FOSL1: variants seen among roughly 807,000 people sequenced by gnomAD.
The protein encoded by FOSL1 is FOS like 1, AP-1 transcription factor subunit, also known as fos-related antigen 1.
A neutral mutation model predicts 24.9 loss-of-function variants in FOSL1; 14 were observed. The observed-to-expected ratio is 0.56, with a 90% CI of 0.37 to 0.88. The LOEUF is 0.88. FOSL1 is among the 40% of genes least tolerant of loss of function. The pLI is 0.00. For synonymous variants in FOSL1, 133 were observed against 145.1 expected, an observed-to-expected ratio of 0.92 and a Z score of 0.60; for missense variants, 318 against 359.8, an observed-to-expected ratio of 0.88 and a Z score of 0.94.
intron 1 of FOSL1, among the ~76,000 whole-genome samples, chr11:65,899,915 C>T (rs1316728630): frequency 6.6e-6 from 1 of 152,210 alleles, no homozygotes; most frequent in African/African-American, 2.4e-5. Context: ...GGCGACCACC[C>T]TAGGCGCCCA....
Position 65,896,868 on chromosome 11 carries a change from G to A in FOSL1, c.238C>T (p.Pro80Ser). The change falls in exon 2 of 4, where the codon CCA becomes TCA. Residue 80 changes from proline (P) to serine (S), a missense_variant. Transcript: ENST00000312562. ...GGCCCCAGGGCCCGGATGACTCCTG[G>A]CCGGGGTTGTGGGGGGCTGTACTGA... Reference protein sequence around the residue: ...YPQYSPPQPRPGVIRALGPPP... With the variant: ...YPQYSPPQPRSGVIRALGPPP... 1.2e-6 allele frequency: 2 copies of A among 1,613,898 alleles called. No individual in the cohort carries two copies. Among genetic ancestry groups the A allele is most frequent in the Non-Finnish European group, 1.7e-6 (2 of 1,179,812 alleles).
rs184519609 is a variant in FOSL1, at chr11:65,894,100, G to T, written c.319C>A (p.Arg107Ser). The part of the protein sequence containing the change: ...CEQISPEEEE[R>S]RRVRRERNKL... ...TTCCGCTCGCGCCTTACTCGGCGGC[G>T]CTCCTCTTCCTCCGGGCTGATCTGG... is the stretch of plus-strand genomic sequence containing the variant. The change falls in exon 3 of 4, where the codon CGC (arginine) becomes AGC (serine). Residue 107 changes from arginine to serine, a missense_variant. Transcript: ENST00000312562. The T allele has an allele frequency of 1.7e-5, 28 of 1,607,824 alleles. No individual in the cohort carries two copies. The Admixed American group carries it at 4.0e-4, about 23-fold the overall frequency.
upstream of FOSL1, chr11:65,900,514 C>A: frequency 2.5e-6 from 1 of 394,992 alleles, no homozygotes; most frequent in South Asian, 1.4e-4. Context: ...CGAGACGCGC[C>A]GCCTTGGCCC....
chr11:65,898,276 G>A (rs1591090183), intron 1 of FOSL1, among the ~76,000 whole-genome samples: 4 of 152,130 alleles, frequency 2.6e-5, no homozygotes, highest in South Asian at 4.1e-4. Context: ...CCTGACCTCT[G>A]GTGATCCACC....
rs753502901 is a variant in FOSL1, at chr11:65,893,300, T to A, written c.406-4A>T. 9.4e-6 allele frequency: 15 copies of A among 1,599,418 alleles called. No homozygotes were observed. Among genetic ancestry groups the A allele is most frequent in the Non-Finnish European group, 1.3e-5 (15 of 1,172,726 alleles). On this transcript the variant is annotated splice_region_variant and splice_polypyrimidine_tract_variant and intron_variant, in intron 3 of 3. Transcript: ENST00000312562. ...CATCTTCCAGTTTGTCAGTCTCCTG[T>A]AGAAGATCAGGAGAGGAGTCAGAAA...
In FOSL1 at chr11:65,893,238, T is replaced by G. The variant is rs757135930; in HGVS notation, c.464A>C (p.Gln155Pro). The change falls in exon 4 of 4, where the codon CAG (glutamine) becomes CCG (proline). Residue 155 changes from glutamine to proline, a missense_variant. Physicochemically the swap from Gln to Pro is moderately conservative, Grantham distance 76 (BLOSUM62 -1). Transcript: ENST00000312562. Reference protein sequence around the residue: ...SGLQREIEELQKQKERLELVL... With the variant: ...SGLQREIEELPKQKERLELVL... ...CAGCTCTAGGCGCTCCTTCTGCTTCTGCAGCTCCTCAATCTCTCGCTGCAG... is the reference window on the plus strand; with the variant it reads ...CAGCTCTAGGCGCTCCTTCTGCTTCGGCAGCTCCTCAATCTCTCGCTGCAG... 1.2e-6 allele frequency: 2 copies of G among 1,614,018 alleles called. No individual in the cohort carries two copies. The highest frequency in any genetic ancestry group is 8.5e-7 in the Non-Finnish European group (1 of 1,179,972).
At chr11:65,898,224 A>T (rs1860581321) in intron 1 of FOSL1, among the ~76,000 whole-genome samples, 1 of 151,894 alleles carries the variant, frequency 6.6e-6, no homozygotes, top group South Asian at 2.1e-4. Flanking sequence ...TATTTTTAGT[A>T]GAGACAGGGT....
chr11:65,893,401 A>C, intron 3 of FOSL1, 105 bp from the exon 4 acceptor site: 56 of 412,450 alleles, frequency 1.4e-4, no homozygotes, highest in East Asian at 4.1e-4. Flanking sequence ...GCGGGGGGAG[A>C]GGGGGGGCAG....
At chr11:65,899,291 CA>C (rs1249660378) in intron 1 of FOSL1, among the ~76,000 whole-genome samples, 1 of 152,178 alleles carries the variant, frequency 6.6e-6, no homozygotes, top group East Asian at 1.9e-4. Context: ...CCCGGCGTCC[CA>C]GTGACCCCAG....
chr11:65,897,267 C>A (rs1167902788), intron 1 of FOSL1, among the ~76,000 whole-genome samples: 2 of 152,182 alleles, frequency 1.3e-5, no homozygotes. Flanking sequence ...CTGCCAGGAA[C>A]TGTTCTAACC....
intron 1 of FOSL1, among the ~76,000 whole-genome samples, chr11:65,899,202 TG>T (rs1860607490): frequency 1.3e-5 from 2 of 152,062 alleles, no homozygotes; most frequent in Non-Finnish European, 2.9e-5. Context: ...GCCCTGGGTG[TG>T]GGCGCCCAAT....
intron 1 of FOSL1, among the ~76,000 whole-genome samples, chr11:65,897,336 C>CT (rs1402783388): frequency 6.8e-6 from 1 of 147,020 alleles, no homozygotes; most frequent in Non-Finnish European, 1.5e-5. Context: ...TCTTTTCTTT[C>CT]TTTTTTTTCT....
Position 65,893,187 on chromosome 11 carries a change from C to A in FOSL1, c.515G>T (p.Cys172Phe). 1 of 1,613,990 alleles carries A rather than the reference C, an allele frequency of 6.2e-7. No homozygotes were observed. The highest frequency in any genetic ancestry group is 8.5e-7 in the Non-Finnish European group (1 of 1,180,002). The change falls in exon 4 of 4, where the codon TGC (cysteine) becomes TTC (phenylalanine). Residue 172 changes from cysteine (C) to phenylalanine (F), a missense_variant. By Grantham distance (205) the Cys-to-Phe change is radical. Coordinates refer to ENST00000312562, the MANE Select transcript of FOSL1 (RefSeq NM_005438.5). ...CTCCTTGGCTCCTTCCGGGATTTTG[C>A]AGATGGGTCGGTGGGCTTCCAGCAC... ...ELVLEAHRPICKIPEGAKEGD... is the reference protein window; with the variant it reads ...ELVLEAHRPIFKIPEGAKEGD...
At chr11:65,895,528 C>G (rs752077796) in intron 2 of FOSL1, among the ~76,000 whole-genome samples, 1 of 152,218 alleles carries the variant, frequency 6.6e-6, no homozygotes. Flanking sequence ...AACTCACTCA[C>G]TCTATTCCAC....
intron 2 of FOSL1, among the ~76,000 whole-genome samples, chr11:65,896,252 T>C (rs1002483683): frequency 2.6e-5 from 4 of 152,172 alleles, no homozygotes; most frequent in Non-Finnish European, 5.9e-5. Flanking sequence ...ACTTGTGTGA[T>C]CTTGGGCAAG....
At chr11:65,900,040 G>A (rs1860632909) in intron 1 of FOSL1, among the ~76,000 whole-genome samples, 1 of 152,224 alleles carries the variant, frequency 6.6e-6, no homozygotes. Context: ...GCGGCTGGGA[G>A]AAGGGGAGTT....
chr11:65,899,302 G>C (rs1860609977), intron 1 of FOSL1, among the ~76,000 whole-genome samples: 1 of 152,212 alleles, frequency 6.6e-6, no homozygotes, highest in Non-Finnish European at 1.5e-5. Flanking sequence ...AGTGACCCCA[G>C]TTCCGGGTCC....
upstream of FOSL1, chr11:65,900,417 T>C (rs1860648284): frequency 3.5e-6 from 3 of 845,296 alleles, no homozygotes; most frequent in Non-Finnish European, 4.7e-6. Context: ...CTTTTCTTTT[T>C]ATGAATGAAA....
intron 3 of FOSL1, 47 bp downstream of exon 3, chr11:65,893,967 G>A: frequency 1.5e-6 from 2 of 1,345,912 alleles, no homozygotes; most frequent in South Asian, 2.5e-5. Context: ...TGGGGGCTCT[G>A]GGAGACAGGG....
Sources: gnomAD v4.1 joint callset for allele counts (sites outside exome capture counted in the v4.1 genomes callset) on GRCh38, gnomAD v4.1.1 for gene constraint, MANE v1.5 for transcripts, NCBI Gene and HGNC (gene_info 2026-07-23, HGNC 2026-07-21) for gene names.